The following DNAH5 variants were observed in gnomAD, a reference collection of about 807,000 sequenced individuals.
The protein encoded by DNAH5 is dynein axonemal heavy chain 5.
A neutral mutation model predicts 518.2 loss-of-function variants in DNAH5; 372 were observed. The ratio of observed to expected loss-of-function variants is 0.72; its 90% CI spans 0.66 to 0.78. The LOEUF is 0.78. Ranked by LOEUF, DNAH5 falls within the 30% of genes least tolerant of loss-of-function variation. DNAH5 has a pLI of 0.00. For synonymous variants in DNAH5, 2,039 were observed against 2,025.9 expected (o/e 1.01, Z -0.17); for missense variants, 5,523 against 5,687.0 (o/e 0.97, Z 0.93).
At chr5:13,981,175 C>T (rs565895441) in intron 1 of DNAH5, among the ~76,000 whole-genome samples, 16 of 152,312 alleles carry the variant, frequency 1.1e-4, no homozygotes, top group South Asian at 6.2e-4. Flanking sequence ...GTTGTGTCTG[C>T]GGCTGTATTC....
intron 56 of DNAH5, 33 bp downstream of exon 56, chr5:13,770,716 T>G: frequency 6.3e-7 from 1 of 1,594,812 alleles, no homozygotes; most frequent in Non-Finnish European, 8.6e-7. Context: ...GCCACGGCTT[T>G]AATATAGCTT....
In DNAH5 at chr5:13,814,737, C is replaced by A; in HGVS notation, c.7098G>T (p.Arg2366=). 6.2e-7 allele frequency: 1 copy of A among 1,614,054 alleles called. No homozygotes were observed. Residue 2366 remains arginine, a synonymous_variant, in exon 43 of 79, where the codon CGG becomes CGT. Transcript: ENST00000265104. ...NKTLTLANGD[R]IPMAPNCKII... is the part of the protein sequence containing the mutation. ...TCTTGCAGTTTGGAGCCATGGGAATCCGATCACCATTGGCAAGGGTTAGAG... is the reference window on the plus strand; with the variant it reads ...TCTTGCAGTTTGGAGCCATGGGAATACGATCACCATTGGCAAGGGTTAGAG...
At chr5:13,749,499 C>G (rs1484784895) in intron 65 of DNAH5, among the ~76,000 whole-genome samples, 1 of 152,136 alleles carries the variant, frequency 6.6e-6, no homozygotes, top group African/African-American at 2.4e-5. Flanking sequence ...AATTAAGGCC[C>G]AGTGATGGGC....
intron 35 of DNAH5, among the ~76,000 whole-genome samples, chr5:13,832,229 G>A (rs1763773679): frequency 6.6e-6 from 1 of 152,228 alleles, no homozygotes; most frequent in Admixed American, 6.5e-5. Flanking sequence ...CTCGGCTGCT[G>A]TGTTATGCAG....
In DNAH5 at chr5:13,920,484, T is replaced by C. The variant is rs770048102; in HGVS notation, c.794A>G (p.Glu265Gly). The change falls in exon 6 of 79, where the codon GAA (glutamate) becomes GGA (glycine). Residue 265 changes from glutamate (E) to glycine (G), a missense_variant. Physicochemically the swap from Glu to Gly is moderately conservative, Grantham distance 98. This residue lies in a region of DNAH5 where 5,121 missense variants were observed against 5,223.3 expected (regional missense o/e 0.98). Transcript: ENST00000265104. ...TGTTTGGTTTCTCAAAATTACCTGTTCTGTCTGTTTGATCCATACTTTCAT... is the reference window on the plus strand; with the variant it reads ...TGTTTGGTTTCTCAAAATTACCTGTCCTGTCTGTTTGATCCATACTTTCAT... ...DCMKVWIKQT[E>G]QVLAENNQLL... 3.7e-6 allele frequency: 6 copies of C among 1,614,176 alleles called. No homozygotes were observed. Among genetic ancestry groups the C allele is most frequent in the Non-Finnish European group, 5.1e-6 (6 of 1,180,014 alleles).
At chr5:13,978,174 A>T (rs1315291581) in intron 1 of DNAH5, among the ~76,000 whole-genome samples, 2 of 152,224 alleles carry the variant, frequency 1.3e-5, no homozygotes, top group Non-Finnish European at 2.9e-5. Flanking sequence ...GAGACCTCGC[A>T]CCAGAGCCCA....
chr5:13,759,564 G>A (rs1751499984), intron 60 of DNAH5, among the ~76,000 whole-genome samples: 1 of 152,156 alleles, frequency 6.6e-6, no homozygotes, highest in African/African-American at 2.4e-5. Context: ...GTATCGTGGT[G>A]GTCTTGACAT....
chr5:13,839,018 A>G (rs1175035243), intron 35 of DNAH5, among the ~76,000 whole-genome samples: 1 of 151,160 alleles, frequency 6.6e-6, no homozygotes, highest in African/African-American at 2.4e-5. Flanking sequence ...ATTGTCTCCC[A>G]GTAAGAACAG....
At chr5:13,726,621 A>C (rs180715513) in intron 70 of DNAH5, among the ~76,000 whole-genome samples, 68 of 152,228 alleles carry the variant, frequency 4.5e-4, no homozygotes, top group Non-Finnish European at 8.4e-4. Flanking sequence ...AAAAACTGAA[A>C]GGAAAGGTGA....
intron 73 of DNAH5, 66 bp from the exon 74 acceptor site, chr5:13,716,756 T>A (rs1270033480): frequency 9.2e-6 from 10 of 1,087,806 alleles, no homozygotes; most frequent in Non-Finnish European, 1.4e-5. Flanking sequence ...CCCTGCCAAG[T>A]CACACCCATG....
chr5:13,950,163 G>A (rs1780267365), intron 1 of DNAH5, among the ~76,000 whole-genome samples: 1 of 152,150 alleles, frequency 6.6e-6, no homozygotes, highest in African/African-American at 2.4e-5. Context: ...TCTGAGATGA[G>A]GCCTATCACT....
At chr5:13,927,663 C>A (rs1251903817) in intron 3 of DNAH5, among the ~76,000 whole-genome samples, 1 of 152,158 alleles carries the variant, frequency 6.6e-6, no homozygotes, top group East Asian at 1.9e-4. Flanking sequence ...GGGTGTTACA[C>A]ATGCTGGCAA....
chr5:13,985,869 C>T (rs149022420), intron 1 of DNAH5, among the ~76,000 whole-genome samples: 22 of 152,324 alleles, frequency 1.4e-4, no homozygotes, highest in Middle Eastern at 3.4e-3. Context: ...ACAAATGGCC[C>T]GGGCTCTGTG....
At chr5:13,911,723 T>A (rs10462590) in intron 11 of DNAH5, among the ~76,000 whole-genome samples, 1 of 151,930 alleles carries the variant, frequency 6.6e-6, no homozygotes, top group Non-Finnish European at 1.5e-5. Flanking sequence ...TGATGTTTTA[T>A]GTATTTTTGA....
intron 24 of DNAH5, among the ~76,000 whole-genome samples, chr5:13,868,663 C>A (rs7708550): frequency 0.39 from 59,916 of 151,702 alleles, 12,103 homozygotes; most frequent in South Asian, 0.46. Flanking sequence ...TGGGGGAAAA[C>A]ATTGTTGATC....
Position 13,708,301 on chromosome 5 carries a change from T to G in DNAH5, c.13160A>C (p.Gln4387Pro), listed in dbSNP as rs1743057790. The G allele has an allele frequency of 6.2e-7, 1 of 1,614,052 alleles. No individual in the cohort carries two copies. Among genetic ancestry groups the G allele is most frequent in the Non-Finnish European group, 8.5e-7 (1 of 1,180,024 alleles). Reference sequence around the variant, plus strand: ...CTGCCTGAGGAAAATGTTCATAGGCTGGAATGGCCCCATCTTCTGCAGCCT... The same window carrying G: ...CTGCCTGAGGAAAATGTTCATAGGCGGGAATGGCCCCATCTTCTGCAGCCT... ...KERLQKMGPF[Q>P]PMNIFLRQEI... The change falls in exon 76 of 79, where the codon CAG becomes CCG. Residue 4387 changes from glutamine to proline, a missense_variant. By Grantham distance (76) the Gln-to-Pro change is moderately conservative (BLOSUM62 -1). Transcript: ENST00000265104.
chr5:13,988,942 T>C (rs1235150818), intron 1 of DNAH5, among the ~76,000 whole-genome samples: 1 of 151,852 alleles, frequency 6.6e-6, no homozygotes, highest in African/African-American at 2.4e-5. Flanking sequence ...TGGCCAGGCC[T>C]GGTCTCAAAC....
chr5:13,731,200 G>C (rs1422045796), intron 68 of DNAH5, among the ~76,000 whole-genome samples: 1 of 152,202 alleles, frequency 6.6e-6, no homozygotes, highest in Non-Finnish European at 1.5e-5. Context: ...AATGAGGTCA[G>C]TATGGCCTTG....
rs923842695 is a variant in DNAH5, at chr5:13,769,058, G to A, written c.9799C>T (p.Gln3267Ter). The A allele has an allele frequency of 1.9e-6, 3 of 1,614,198 alleles. No homozygotes were observed. Among genetic ancestry groups the A allele is most frequent in the Non-Finnish European group, 2.5e-6 (3 of 1,180,022 alleles). The change falls in exon 58 of 79, where the codon CAG (glutamine) becomes TAG (stop). Residue 3267 changes from glutamine to a stop codon, truncating the protein, a stop_gained. Coordinates refer to ENST00000265104, the MANE Select transcript of DNAH5 (RefSeq NM_001369.3). LOFTEE classifies it high-confidence loss of function. ...TTAGAGATGCTGTCCACAATGGCCT[G>A]GGCCCTGTCCTTCACCTTCTGTACC... ...AEVQKVKDRAQAIVDSISKDK... is the reference protein window; with the variant it reads ...AEVQKVKDRA
Sources: allele counts gnomAD v4.1 joint callset (sites outside exome capture counted in the v4.1 genomes callset), GRCh38; gene constraint gnomAD v4.1.1; regional missense constraint gnomAD v4.1.1; transcripts MANE v1.5; gene names NCBI Gene and HGNC (gene_info 2026-07-23, HGNC 2026-07-21).